MAP4K4: variants seen among roughly 807,000 people sequenced by gnomAD.
MAP4K4 encodes the protein HPK/GCK-like kinase HGK.
A neutral mutation model predicts 189.6 loss-of-function variants in MAP4K4; 38 were observed. The ratio of observed to expected loss-of-function variants is 0.20; its 90% CI spans 0.15 to 0.26. The LOEUF is 0.26. MAP4K4 is among the 10% of genes least tolerant of loss of function. The pLI is 1.00. For synonymous variants in MAP4K4, 610 were observed against 624.3 expected, an observed-to-expected ratio of 0.98 and a Z score of 0.34; for missense variants, 1,054 against 1,726.9, an observed-to-expected ratio of 0.61 and a Z score of 6.91.
At chr2:101,845,889 T>C (rs1002859870) in intron 12 of MAP4K4, among the ~76,000 whole-genome samples, 7 of 152,230 alleles carry the variant, frequency 4.6e-5, no homozygotes, top group African/African-American at 1.7e-4. Context: ...AAGCCCTGTA[T>C]TGATATTATC....
intron 2 of MAP4K4, among the ~76,000 whole-genome samples, chr2:101,707,168 A>G (rs2042743956): frequency 6.6e-6 from 1 of 150,604 alleles, no homozygotes; most frequent in African/African-American, 2.4e-5. Context: ...CTTAGGTTGT[A>G]ATTTTTACCT....
At chr2:101,808,024 A>C (rs2095120514) in intron 3 of MAP4K4, among the ~76,000 whole-genome samples, 1 of 152,224 alleles carries the variant, frequency 6.6e-6, no homozygotes, top group South Asian at 2.1e-4. Context: ...AAACTGTACC[A>C]CCAAAGATGC....
chr2:101,882,521 C>G, intron 27 of MAP4K4, 30 bp from the exon 28 acceptor site: 1 of 1,514,932 alleles, frequency 6.6e-7, no homozygotes, highest in Non-Finnish European at 8.9e-7. Context: ...TCTGGATATG[C>G]ATGTAAAATA....
At chr2:101,750,942 C>G (rs2068581675) in intron 2 of MAP4K4, among the ~76,000 whole-genome samples, 1 of 152,024 alleles carries the variant, frequency 6.6e-6, no homozygotes, top group Non-Finnish European at 1.5e-5. Flanking sequence ...TGCTGTAAGT[C>G]CTCTACCTTT....
At chr2:101,807,433 C>T (rs1289447743) in intron 3 of MAP4K4, among the ~76,000 whole-genome samples, 2 of 152,078 alleles carry the variant, frequency 1.3e-5, no homozygotes, top group Non-Finnish European at 2.9e-5. Flanking sequence ...ACTACCTTCA[C>T]AGAAGGTGCT....
chr2:101,720,503 G>C (rs1189774709), intron 2 of MAP4K4, among the ~76,000 whole-genome samples: 1 of 152,128 alleles, frequency 6.6e-6, no homozygotes, highest in East Asian at 1.9e-4. Flanking sequence ...TTTTCCTGGA[G>C]AAACCTCCAA....
rs777887463 is a variant in MAP4K4 at position 101,698,551 on chromosome 2, G to A, written c.123+13G>A. The A allele has an allele frequency of 6.2e-7, 1 of 1,611,782 alleles. No homozygotes were observed. Among genetic ancestry groups the A allele is most frequent in the Admixed American group, 1.7e-5 (1 of 59,902 alleles). On this transcript the variant is annotated intron_variant, in intron 2 of 32. Transcript: ENST00000324219. The stretch of plus-strand genomic sequence containing the variant: ...ACAAGTCTATAAGGTCGGTGTGGGC[G>A]CCTTCTTTGTTTCCCGTGGCATGTG...
exon 29 of MAP4K4, chr2:101,885,234 G>A (rs2098463726): frequency 6.2e-7 from 1 of 1,607,772 alleles, no homozygotes; most frequent in East Asian, 2.2e-5. Flanking sequence ...GAAGAGTTCT[G>A]TGGAAGTCTA....
intron 2 of MAP4K4, among the ~76,000 whole-genome samples, chr2:101,761,817 A>G (rs1016400595): frequency 4.6e-5 from 7 of 152,098 alleles, no homozygotes; most frequent in Non-Finnish European, 8.8e-5. Flanking sequence ...TCGGTCTCCC[A>G]AAGTGTTGGG....
intron 26 of MAP4K4, 74 bp from the exon 27 acceptor site, chr2:101,876,929 T>C (rs1478335960): frequency 6.8e-7 from 1 of 1,480,838 alleles, no homozygotes; most frequent in Non-Finnish European, 9.3e-7. Flanking sequence ...ATAGATGATG[T>C]TATCCTTTCT....
At chr2:101,734,998 G>C (rs1194654227) in intron 2 of MAP4K4, among the ~76,000 whole-genome samples, 1 of 152,156 alleles carries the variant, frequency 6.6e-6, no homozygotes, top group African/African-American at 2.4e-5. Context: ...GTGTTGTTCA[G>C]AAGACAATGA....
intron 2 of MAP4K4, among the ~76,000 whole-genome samples, chr2:101,760,948 A>T (rs879851820): frequency 6.6e-6 from 1 of 152,216 alleles, no homozygotes; most frequent in African/African-American, 2.4e-5. Flanking sequence ...GGTTGCCGTG[A>T]ACTGAGATCG....
intron 2 of MAP4K4, among the ~76,000 whole-genome samples, chr2:101,771,114 C>G (rs2081227924): frequency 6.6e-6 from 1 of 152,128 alleles, no homozygotes; most frequent in African/African-American, 2.4e-5. Context: ...AATAGCACAC[C>G]TTGATTTTAT....
chr2:101,718,496 G>A (rs1359860047), intron 2 of MAP4K4, among the ~76,000 whole-genome samples: 2 of 150,280 alleles, frequency 1.3e-5, no homozygotes, highest in African/African-American at 4.9e-5. Context: ...AGGTTTGGTT[G>A]GTAGGTAAGA....
chr2:101,806,156 T>C (rs1265383428), intron 3 of MAP4K4, among the ~76,000 whole-genome samples: 1 of 152,130 alleles, frequency 6.6e-6, no homozygotes, highest in Non-Finnish European at 1.5e-5. Flanking sequence ...GAGAAGGATG[T>C]TTTAAAAACA....
At position 101,877,416 on chromosome 2, in the gene MAP4K4, T is replaced by C. The variant is rs1029422096; in HGVS notation, c.3385+270T>C. Among the ~76,000 whole-genome samples the C allele has an allele frequency of 2.0e-5, 3 of 152,104 alleles. No homozygotes were observed. The South Asian group carries it at 6.2e-4, about 32-fold the overall frequency. ...CTCACTGCCCTCTCTGCCCAGTTGCTTGTTAGATTTCATTTGCCTTGTCCA... is the reference window on the plus strand; with the variant it reads ...CTCACTGCCCTCTCTGCCCAGTTGCCTGTTAGATTTCATTTGCCTTGTCCA... On this transcript the variant is annotated intron_variant, in intron 27 of 32. Transcript: ENST00000324219.
At chr2:101,834,516 C>A in intron 8 of MAP4K4, 53 bp downstream of exon 8, 1 of 1,395,758 alleles carries the variant, frequency 7.2e-7, no homozygotes, top group Non-Finnish European at 1.0e-6. Context: ...ACTTAAACCC[C>A]TCCCAAGACT....
intron 2 of MAP4K4, among the ~76,000 whole-genome samples, chr2:101,757,803 T>C (rs2073685609): frequency 2.6e-5 from 4 of 152,224 alleles, no homozygotes; most frequent in Admixed American, 6.5e-5. Flanking sequence ...GTGGATCGCT[T>C]GGGGCCAGGA....
chr2:101,854,435 A>G (rs904911938), intron 12 of MAP4K4, among the ~76,000 whole-genome samples: 4 of 152,154 alleles, frequency 2.6e-5, no homozygotes, highest in Non-Finnish European at 4.4e-5. Context: ...ATGGGGGAAA[A>G]GGAGATTCCC....
Sources: allele counts gnomAD v4.1 joint callset (sites outside exome capture counted in the v4.1 genomes callset), GRCh38; gene constraint gnomAD v4.1.1; transcripts MANE v1.5; gene names NCBI Gene and HGNC (gene_info 2026-07-23, HGNC 2026-07-21).